Variants in COL4A4 observed in about 807,000 individuals in gnomAD.
The protein encoded by COL4A4 is collagen type IV alpha 4 chain.
COL4A4 carries 105 observed loss-of-function variants against 192.9 expected under a neutral mutation model. The ratio of observed to expected loss-of-function variants is 0.54; its 90% CI spans 0.46 to 0.64. The LOEUF is 0.64. Ranked by LOEUF, COL4A4 falls within the 30% of genes least tolerant of loss-of-function variation. The pLI is 0.00. For missense variants in COL4A4, 1,967 were observed against 2,169.3 expected, an observed-to-expected ratio of 0.91 and a Z score of 1.85; for synonymous variants, 762 against 769.9, an observed-to-expected ratio of 0.99 and a Z score of 0.17.
intron 37 of COL4A4, among the ~76,000 whole-genome samples, chr2:227,033,873 T>C (rs1053145005): frequency 4.2e-5 from 6 of 144,462 alleles, no homozygotes; most frequent in African/African-American, 1.3e-4. Flanking sequence ...CTCCCAGGCT[T>C]GGGGTCACTG....
At chr2:227,033,139 G>C (rs1010702894) in intron 38 of COL4A4, among the ~76,000 whole-genome samples, 1 of 152,190 alleles carries the variant, frequency 6.6e-6, no homozygotes, top group African/African-American at 2.4e-5. Context: ...ATTGTTCAGA[G>C]TACTTTTAGT....
intron 1 of COL4A4, among the ~76,000 whole-genome samples, chr2:227,150,884 G>C (rs1198843035): frequency 6.8e-6 from 1 of 147,066 alleles, no homozygotes; most frequent in Non-Finnish European, 1.5e-5. Flanking sequence ...GGGACACAGA[G>C]CCAAACCATA....
At chr2:227,087,758 C>T (rs2059682456) in intron 22 of COL4A4, among the ~76,000 whole-genome samples, 1 of 152,202 alleles carries the variant, frequency 6.6e-6, no homozygotes, top group African/African-American at 2.4e-5. Context: ...TATTGTCTCA[C>T]TCTTCTTAAA....
chr2:227,133,899 AAAAAAG>A (rs924463810), intron 4 of COL4A4, among the ~76,000 whole-genome samples: 3 of 152,130 alleles, frequency 2.0e-5, no homozygotes, highest in African/African-American at 7.2e-5. Flanking sequence ...AAAAGAAAAA[AAAAAAG>A]AAAAAGAATT....
In COL4A4 at chr2:227,098,323, C is replaced by T. The variant is rs962218210; in HGVS notation, c.1204+371G>A. ...GTGGTTTCCAAGCCTTATCTGCATG[C>T]GATAACTTTGTGGGAGGCCTGTTGT... is the stretch of plus-strand genomic sequence containing the variant. On this transcript the variant is annotated intron_variant, in intron 19 of 47. Coordinates refer to ENST00000396625, the MANE Select transcript of COL4A4 (RefSeq NM_000092.5). Among the ~76,000 whole-genome samples the T allele has an allele frequency of 3.3e-5, 5 of 152,074 alleles. No homozygotes were observed. In the East Asian group the frequency reaches 7.7e-4, roughly 23 times the overall value.
At chr2:227,089,454 A>C (rs2059777838) in intron 21 of COL4A4, among the ~76,000 whole-genome samples, 1 of 151,826 alleles carries the variant, frequency 6.6e-6, no homozygotes, top group Non-Finnish European at 1.5e-5. Flanking sequence ...CAGGCAATTG[A>C]TGAGTCTGGG....
At chr2:227,065,412 C>T (rs550709800) in intron 25 of COL4A4, among the ~76,000 whole-genome samples, 42 of 152,370 alleles carry the variant, frequency 2.8e-4, no homozygotes, top group African/African-American at 1.0e-3. Context: ...CTGTAGGCTC[C>T]ACCTCTGGGG....
At position 227,007,529 on chromosome 2, in the gene COL4A4, C is replaced by T; in HGVS notation, c.4869G>A (p.Leu1623=). 3.1e-6 allele frequency: 5 copies of T among 1,613,602 alleles called. No homozygotes were observed. The highest frequency in any genetic ancestry group is 4.2e-6 in the Non-Finnish European group (5 of 1,180,036). Residue 1623 remains leucine, a synonymous_variant, in exon 48 of 48, where the codon CTG becomes CTA. Transcript: ENST00000396625. ...GGAATGGTGCTGCTCTGAAATCTTC[C>T]AGGCAGCTGCCAGGTGACATAAGGG... ...GQALMSPGSC[L]EDFRAAPFLE...
intron 12 of COL4A4, among the ~76,000 whole-genome samples, chr2:227,104,874 C>G (rs1576539131): frequency 6.6e-6 from 1 of 151,436 alleles, no homozygotes; most frequent in East Asian, 2.0e-4. Flanking sequence ...CTCCGGACCT[C>G]AGGTGATCCG....
rs2150506213 is a variant in COL4A4, at chr2:227,080,518, G to A, written c.1728C>T (p.Pro576=). The A allele has an allele frequency of 1.2e-6, 2 of 1,614,044 alleles. No individual in the cohort carries two copies. The highest frequency in any genetic ancestry group is 1.1e-5 in the South Asian group (1 of 91,080). Residue 576 remains proline (P), a synonymous_variant, in exon 24 of 48, where the codon CCC becomes CCT. Coordinates refer to ENST00000396625, the MANE Select transcript of COL4A4 (RefSeq NM_000092.5). ...GHKGERGPDG[P]PGFPGQPGSH... Reference sequence around the variant, plus strand: ...ATCCTGGCTGCCCTGGAAATCCTGGGGGCCCATCAGGACCTCTTTCTCCTT... The same window carrying A: ...ATCCTGGCTGCCCTGGAAATCCTGGAGGCCCATCAGGACCTCTTTCTCCTT...
chr2:227,057,356 A>G, intron 29 of COL4A4, 83 bp downstream of exon 29: 1 of 1,466,580 alleles, frequency 6.8e-7, no homozygotes, highest in Non-Finnish European at 9.3e-7. Flanking sequence ...TGCTTCTGGC[A>G]GCATCCATAA....
intron 37 of COL4A4, 44 bp downstream of exon 37, chr2:227,042,104 T>C (rs777937404): frequency 7.3e-6 from 9 of 1,238,228 alleles, no homozygotes; most frequent in East Asian, 2.3e-5. Flanking sequence ...TTTGCCCTCA[T>C]TGGGCTGCAT....
At chr2:227,063,714 A>G (rs1013201626) in intron 25 of COL4A4, among the ~76,000 whole-genome samples, 1 of 152,168 alleles carries the variant, frequency 6.6e-6, no homozygotes, top group Middle Eastern at 3.4e-3. Flanking sequence ...ATGCCAACAA[A>G]TGGTTTTTCA....
chr2:226,972,348 C>G, the COL4A4 span, among the ~76,000 whole-genome samples: 8 of 152,138 alleles, frequency 5.3e-5, no homozygotes, highest in African/African-American at 1.9e-4. Context: ...AAGCCCACTT[C>G]TTAAGAAAGA....
At chr2:226,969,669 C>G in the COL4A4 span, among the ~76,000 whole-genome samples, 29 of 152,112 alleles carry the variant, frequency 1.9e-4, no homozygotes, top group Admixed American at 1.2e-3. Flanking sequence ...AACAAATCTC[C>G]CCCAATTGTT....
chr2:226,975,034 C>T, the COL4A4 span, among the ~76,000 whole-genome samples: 1 of 152,178 alleles, frequency 6.6e-6, no homozygotes, highest in African/African-American at 2.4e-5. Context: ...AACTGGGACT[C>T]TTAGTGGGTA....
At chr2:227,153,387 C>T (rs1009767186) in intron 1 of COL4A4, among the ~76,000 whole-genome samples, 4 of 152,168 alleles carry the variant, frequency 2.6e-5, no homozygotes, top group African/African-American at 2.4e-5. Context: ...CATTATTTTG[C>T]TAACTGTTAT....
chr2:227,075,224 T>C (rs1197586716), intron 25 of COL4A4, among the ~76,000 whole-genome samples: 1 of 152,160 alleles, frequency 6.6e-6, no homozygotes, highest in East Asian at 1.9e-4. Flanking sequence ...CTAATATCCC[T>C]GATGAACCTT....
the COL4A4 span, among the ~76,000 whole-genome samples, chr2:226,971,975 A>G: frequency 6.6e-6 from 1 of 151,356 alleles, no homozygotes; most frequent in African/African-American, 2.4e-5. Context: ...GGTTTGTTAC[A>G]TAGGTCACAT....
Sources: gnomAD v4.1 joint callset for allele counts (sites outside exome capture counted in the v4.1 genomes callset) on GRCh38, gnomAD v4.1.1 for gene constraint, MANE v1.5 for transcripts, NCBI Gene and HGNC (gene_info 2026-07-23, HGNC 2026-07-21) for gene names.